The following ASRGL1 variants were observed in gnomAD, a reference collection of about 807,000 sequenced individuals.
ASRGL1 encodes the protein isoaspartyl peptidase/L-asparaginase.
Under a neutral mutation model 22.4 loss-of-function variants are expected in ASRGL1, and 16 were observed. The ratio of observed to expected loss-of-function variants is 0.71; its 90% CI spans 0.48 to 1.08. The LOEUF is 1.08. Among genes scored for constraint, ASRGL1 ranks in the 50% least tolerant of loss-of-function variants. The probability of loss-of-function intolerance (pLI) is 0.00; values close to 1 mark genes in which losing one functional copy is unlikely to be tolerated. For missense variants in ASRGL1, 412 were observed against 410.1 expected, an observed-to-expected ratio of 1.00 and a Z score of -0.04; for synonymous variants, 165 against 159.3, an observed-to-expected ratio of 1.04 and a Z score of -0.27.
Position 62,337,577 on chromosome 11 carries a change from A to C in ASRGL1, c.-89+3A>C. On this transcript the variant is annotated splice_donor_region_variant and intron_variant, in intron 1 of 6. Transcript: ENST00000415229. Reference sequence around the variant, plus strand: ...GTCCGCGTCCTGCGGTGCCCTGGGTAAGTCGGCGGCCCTCCCGGAGCAGCC... The same window carrying C: ...GTCCGCGTCCTGCGGTGCCCTGGGTCAGTCGGCGGCCCTCCCGGAGCAGCC... 6.0e-6 allele frequency: 1 copy of C among 166,058 alleles called. No homozygotes were observed. Among genetic ancestry groups the C allele is most frequent in the East Asian group, 1.8e-4 (1 of 5,440 alleles). 10.3% of individuals were successfully genotyped at this position (166,058 alleles called of 1,614,324 possible).
intron 4 of ASRGL1, among the ~76,000 whole-genome samples, chr11:62,377,304 G>C (rs1221597714): frequency 6.6e-6 from 1 of 152,230 alleles, no homozygotes; most frequent in African/African-American, 2.4e-5. Context: ...GTAATAAATT[G>C]AACAGCTGGT....
downstream of ASRGL1, among the ~76,000 whole-genome samples, chr11:62,394,217 ATAT>A (rs61114523): frequency 0.12 from 16,241 of 137,602 alleles, 2,056 homozygotes; most frequent in African/African-American, 0.33. Context: ...ATGATATATA[ATAT>A]TATATATTTT....
chr11:62,356,260 C>T, intron 2 of ASRGL1, 65 bp from the exon 3 acceptor site: 2 of 1,579,518 alleles, frequency 1.3e-6, no homozygotes, highest in Non-Finnish European at 8.6e-7. Flanking sequence ...GCTGACCCCC[C>T]CACCTCCCTC....
chr11:62,372,885 C>T (rs1946810505), intron 4 of ASRGL1: 17 of 1,599,190 alleles, frequency 1.1e-5, no homozygotes, highest in Non-Finnish European at 1.2e-5. Context: ...AGTGCAGGAC[C>T]TCTGCAGCTG....
chr11:62,386,475 T>C, intron 4 of ASRGL1, among the ~76,000 whole-genome samples: 1 of 149,328 alleles, frequency 6.7e-6, no homozygotes, highest in Admixed American at 6.6e-5. Context: ...ATATCATAGA[T>C]ATGTACATAT....
At chr11:62,378,049 C>T (rs1437973457) in intron 4 of ASRGL1, among the ~76,000 whole-genome samples, 1 of 152,134 alleles carries the variant, frequency 6.6e-6, no homozygotes, top group Non-Finnish European at 1.5e-5. Flanking sequence ...TGGGTCTCCT[C>T]TTAAGATAGA....
rs560593305 is a variant in ASRGL1, at chr11:62,387,805, T to C, written c.492-1328T>C. On this transcript the variant is annotated intron_variant, in intron 4 of 6. Transcript: ENST00000415229. ...GCAGGCTCCATGGGAGAAAGGACTT[T>C]GTTTAGCTTTACCACTGTGTCCCAG... 1.1e-4 allele frequency among the ~76,000 whole-genome samples: 17 copies of C among 152,390 alleles called. No homozygotes were observed. The South Asian group carries it at 2.9e-3, about 26-fold the overall frequency.
At chr11:62,347,198 G>A (rs1641166125) in intron 2 of ASRGL1, among the ~76,000 whole-genome samples, 1 of 152,096 alleles carries the variant, frequency 6.6e-6, no homozygotes, top group Admixed American at 6.6e-5. Context: ...CCTCTCTGAA[G>A]GACCCCTCTG....
At chr11:62,343,369 C>A (rs1483612932) in intron 2 of ASRGL1, among the ~76,000 whole-genome samples, 1 of 127,158 alleles carries the variant, frequency 7.9e-6, no homozygotes, top group Non-Finnish European at 1.6e-5. Flanking sequence ...CAGAGTGAGA[C>A]CCTGTCTCAA....
intron 4 of ASRGL1, chr11:62,372,605 A>G (rs1004455438): frequency 1.3e-5 from 11 of 873,942 alleles, no homozygotes; most frequent in African/African-American, 3.3e-5. Flanking sequence ...TGGTTATGCG[A>G]GACGTGGCCT....
intron 2 of ASRGL1, 76 bp downstream of exon 2, chr11:62,338,243 G>A: frequency 1.5e-6 from 2 of 1,359,300 alleles, no homozygotes; most frequent in Non-Finnish European, 2.0e-6. Flanking sequence ...AACCTACATA[G>A]TGTTAGGGAA....
intron 4 of ASRGL1, chr11:62,371,436 C>T (rs1946763466): frequency 1.7e-6 from 1 of 582,026 alleles, no homozygotes; most frequent in Non-Finnish European, 3.0e-6. Context: ...TTGAGACGTG[C>T]TGTGTTTACT....
At chr11:62,390,634 G>T (rs1387343259) in intron 5 of ASRGL1, among the ~76,000 whole-genome samples, 1 of 152,204 alleles carries the variant, frequency 6.6e-6, no homozygotes, top group Non-Finnish European at 1.5e-5. Flanking sequence ...ATAAGAAAAA[G>T]TAAAGGCGCC....
chr11:62,401,021 G>A, the ASRGL1 span, among the ~76,000 whole-genome samples: 1 of 152,202 alleles, frequency 6.6e-6, no homozygotes, highest in Admixed American at 6.5e-5. Flanking sequence ...CCTCACTAGG[G>A]AAGGCCTGGT....
intron 2 of ASRGL1, among the ~76,000 whole-genome samples, chr11:62,350,205 G>T (rs1162993246): frequency 6.6e-6 from 1 of 152,128 alleles, no homozygotes; most frequent in Non-Finnish European, 1.5e-5. Flanking sequence ...TGACCTTCTG[G>T]AAATGGCTTT....
At chr11:62,375,557 T>TG (rs910502276) in intron 4 of ASRGL1, among the ~76,000 whole-genome samples, 1 of 149,068 alleles carries the variant, frequency 6.7e-6, no homozygotes, top group Non-Finnish European at 1.5e-5. Flanking sequence ...AACATCCTGG[T>TG]GCTCTCCCTA....
downstream of ASRGL1, among the ~76,000 whole-genome samples, chr11:62,397,985 C>T (rs1420168743): frequency 6.6e-6 from 1 of 152,002 alleles, no homozygotes; most frequent in East Asian, 1.9e-4. Flanking sequence ...CCGGGCCCCT[C>T]GGCGTCGCAT....
At chr11:62,372,234 T>A in intron 4 of ASRGL1, 1 of 1,372,276 alleles carries the variant, frequency 7.3e-7, no homozygotes, top group Non-Finnish European at 1.0e-6. Context: ...GTGTGCAGCG[T>A]GTGCGCGGAA....
chr11:62,371,367 G>C, intron 4 of ASRGL1: 1 of 765,820 alleles, frequency 1.3e-6, no homozygotes, highest in Non-Finnish European at 2.0e-6. Flanking sequence ...CAGCAGGCAA[G>C]GTGGGCGGTG....
Sources: allele counts gnomAD v4.1 joint callset (sites outside exome capture counted in the v4.1 genomes callset), GRCh38; gene constraint gnomAD v4.1.1; transcripts MANE v1.5; gene names NCBI Gene and HGNC (gene_info 2026-07-23, HGNC 2026-07-21).